Variants in DNAH14 observed in about 807,000 individuals in gnomAD.
DNAH14 encodes the protein dynein axonemal heavy chain 14.
Under a neutral mutation model 520.9 loss-of-function variants are expected in DNAH14, and 478 were observed. The observed-to-expected ratio is 0.92, with a 90% CI of 0.85 to 0.99. The LOEUF is 0.99. DNAH14 is among the 50% of genes least tolerant of loss of function. DNAH14 has a pLI of 0.00. For synonymous variants in DNAH14, 1,581 were observed against 1,757.2 expected (o/e 0.90, Z 2.51); for missense variants, 4,831 against 5,234.5 (o/e 0.92, Z 2.38).
intron 26 of DNAH14, among the ~76,000 whole-genome samples, chr1:225,122,500 G>A (rs567773617): frequency 6.6e-6 from 1 of 152,264 alleles, no homozygotes; most frequent in East Asian, 1.9e-4. Flanking sequence ...ATCAATGCGA[G>A]TGTGCAGTAA....
At chr1:225,128,289 A>G (rs1269380188) in intron 27 of DNAH14, among the ~76,000 whole-genome samples, 3 of 152,016 alleles carry the variant, frequency 2.0e-5, no homozygotes, top group Non-Finnish European at 4.4e-5. Flanking sequence ...CAATACAAAA[A>G]GAAGGAATCC....
chr1:225,148,472 G>C (rs931395838), intron 31 of DNAH14, among the ~76,000 whole-genome samples: 2 of 135,890 alleles, frequency 1.5e-5, no homozygotes, highest in African/African-American at 5.7e-5. Context: ...CACAATCTCA[G>C]CTCACTGCAG....
chr1:225,290,689 ATAT>A (rs1185315709), intron 55 of DNAH14, among the ~76,000 whole-genome samples: 1 of 109,138 alleles, frequency 9.2e-6, no homozygotes, highest in East Asian at 2.6e-4. Flanking sequence ...ATATATATAT[ATAT>A]ATTTCCTCCA....
chr1:225,106,742 A>G (rs2076086397), intron 23 of DNAH14, among the ~76,000 whole-genome samples: 1 of 152,028 alleles, frequency 6.6e-6, no homozygotes, highest in Non-Finnish European at 1.5e-5. Context: ...AGGTCCTTTA[A>G]GGACTTCTCT....
chr1:225,374,750 G>C lies in DNAH14; in HGVS notation c.12381G>C (p.Leu4127=), dbSNP rs368211863. The change falls in exon 78 of 86, where the codon CTG becomes CTC. Residue 4127 remains leucine (L), a synonymous_variant. Coordinates refer to ENST00000682510, the MANE Select transcript of DNAH14 (RefSeq NM_001367479.1). ...AGCCCAGCATTTCGTGGCAAGCACT[G>C]CGCTACCTGATTGGAGAAGTGATTT... ...RGQPSISWQA[L]RYLIGEVIYG... The C allele has an allele frequency of 1.7e-4, 271 of 1,551,624 alleles. 1 individual carries two copies. Among genetic ancestry groups the C allele is most frequent in the Middle Eastern group, 3.3e-4 (2 of 5,992 alleles).
intron 35 of DNAH14, among the ~76,000 whole-genome samples, chr1:225,163,457 C>A (rs1412938027): frequency 2.0e-5 from 3 of 152,276 alleles, no homozygotes; most frequent in South Asian, 2.1e-4. Flanking sequence ...AAAAGGCTTT[C>A]TGTTTTTCCC....
intron 55 of DNAH14, among the ~76,000 whole-genome samples, chr1:225,298,703 C>T (rs544429208): frequency 6.6e-6 from 1 of 152,142 alleles, no homozygotes; most frequent in Non-Finnish European, 1.5e-5. Flanking sequence ...TAGCTTGGCT[C>T]ACAGCAGGAG....
At chr1:225,350,293 G>A (rs1009512888) in intron 71 of DNAH14, among the ~76,000 whole-genome samples, 6 of 152,014 alleles carry the variant, frequency 3.9e-5, no homozygotes, top group Admixed American at 3.9e-4. Context: ...TAAGATGAAA[G>A]TTTATAACTG....
At chr1:225,296,182 C>A (rs1475863250) in intron 55 of DNAH14, among the ~76,000 whole-genome samples, 5 of 152,016 alleles carry the variant, frequency 3.3e-5, no homozygotes, top group Non-Finnish European at 1.5e-5. Flanking sequence ...TCTTGTTTTT[C>A]ATCCATTCAG....
At chr1:225,342,450 T>C (rs57157017) in intron 69 of DNAH14, among the ~76,000 whole-genome samples, 19,822 of 152,084 alleles carry the variant, frequency 0.13, 1,588 homozygotes, top group South Asian at 0.25. Context: ...ATCCATCCTG[T>C]TTAAAATTAA....
chr1:225,352,823 T>G (rs1203990428), intron 72 of DNAH14, among the ~76,000 whole-genome samples: 1 of 152,086 alleles, frequency 6.6e-6, no homozygotes, highest in East Asian at 1.9e-4. Context: ...TTTTCTTCCT[T>G]TAAACATTCT....
chr1:225,184,759 G>A (rs2084473656), intron 36 of DNAH14, among the ~76,000 whole-genome samples: 1 of 151,700 alleles, frequency 6.6e-6, no homozygotes, highest in Non-Finnish European at 1.5e-5. Context: ...AAAAAAGAGA[G>A]AGAGAGAGAA....
At chr1:225,250,736 G>T (rs1204296138) in intron 43 of DNAH14, 1 of 511,526 alleles carries the variant, frequency 2.0e-6, no homozygotes, top group Non-Finnish European at 3.6e-6. Flanking sequence ...GTTTCTGCAG[G>T]AAGGAATGGG....
intron 8 of DNAH14, among the ~76,000 whole-genome samples, chr1:224,987,072 C>T (rs2062693870): frequency 1.3e-5 from 2 of 151,914 alleles, no homozygotes; most frequent in South Asian, 4.2e-4. Context: ...AAAGTAGTCC[C>T]ATTTACAATA....
At chr1:225,128,813 C>A (rs1559046549) in intron 27 of DNAH14, among the ~76,000 whole-genome samples, 1 of 151,762 alleles carries the variant, frequency 6.6e-6, no homozygotes. Flanking sequence ...GAAGTTCTGG[C>A]CAGGGCAATC....
chr1:224,957,273 A>C (rs1007116580), intron 3 of DNAH14, among the ~76,000 whole-genome samples: 1 of 152,114 alleles, frequency 6.6e-6, no homozygotes, highest in Non-Finnish European at 1.5e-5. Flanking sequence ...TAAGACAAGA[A>C]GTCCTAAAAA....
chr1:225,162,507 T>G (rs768855500), intron 35 of DNAH14, among the ~76,000 whole-genome samples: 7 of 152,216 alleles, frequency 4.6e-5, no homozygotes, highest in Non-Finnish European at 1.0e-4. Context: ...CAGGATAGCT[T>G]TGGCTATTCT....
chr1:225,054,258 G>T (rs2068824900), intron 17 of DNAH14, among the ~76,000 whole-genome samples: 1 of 152,164 alleles, frequency 6.6e-6, no homozygotes, highest in African/African-American at 2.4e-5. Flanking sequence ...CTCTACCACA[G>T]ACATTAATTT....
At chr1:225,347,805 C>T (rs2095309277) in intron 71 of DNAH14, among the ~76,000 whole-genome samples, 1 of 152,034 alleles carries the variant, frequency 6.6e-6, no homozygotes, top group Non-Finnish European at 1.5e-5. Context: ...ATACATAAGG[C>T]AAACAAAGAC....
Sources: allele counts gnomAD v4.1 joint callset (sites outside exome capture counted in the v4.1 genomes callset), GRCh38; gene constraint gnomAD v4.1.1; transcripts MANE v1.5; gene names NCBI Gene and HGNC (gene_info 2026-07-23, HGNC 2026-07-21).